The following WWOX variants were observed in gnomAD, a reference collection of about 807,000 sequenced individuals.
WWOX encodes the protein WW domain containing oxidoreductase.
WWOX carries 69 observed loss-of-function variants against 46.2 expected under a neutral mutation model. The ratio of observed to expected loss-of-function variants is 1.49; its 90% CI spans 1.23 to 1.82. The LOEUF (loss-of-function observed/expected upper bound fraction) is 1.82, where lower values mean the gene tolerates loss of function less well. Ranked by LOEUF, WWOX falls within the 40% of genes most tolerant of loss-of-function variation. The pLI, the probability that WWOX is intolerant of heterozygous loss-of-function variation, is 0.00. For synonymous variants in WWOX, 359 were observed against 202.6 expected, an observed-to-expected ratio of 1.77 and a Z score of -6.56; for missense variants, 919 against 542.6, an observed-to-expected ratio of 1.69 and a Z score of -6.89.
At chr16:78,454,458 G>GTT (rs200578242) in intron 8 of WWOX, among the ~76,000 whole-genome samples, 1 of 151,570 alleles carries the variant, frequency 6.6e-6, no homozygotes, top group Admixed American at 6.6e-5. Flanking sequence ...GTGTCCTGCT[G>GTT]TTTTTTTTCC....
intron 6 of WWOX, among the ~76,000 whole-genome samples, chr16:78,397,542 C>A (rs1965921717): frequency 6.6e-6 from 1 of 152,200 alleles, no homozygotes; most frequent in Admixed American, 6.5e-5. Flanking sequence ...ATCTCTTCTT[C>A]TGTTGAGCTC....
rs113661986 is a variant in WWOX, at chr16:78,986,299, C to G, written c.1057-225309C>G. Among the ~76,000 whole-genome samples, 213 of 152,280 alleles carry G rather than the reference C, an allele frequency of 1.4e-3. 2 individuals are homozygous for G. The highest frequency in any genetic ancestry group is 4.6e-3 in the African/African-American group (193 of 41,556). On this transcript the variant is annotated intron_variant, in intron 8 of 8. Transcript: ENST00000566780. Reference sequence around the variant, plus strand: ...TGCCATAGGTAGAGGTGCTTCCAGACCTATAGTTTTGAAAGTCACCTAGAG... The same window carrying G: ...TGCCATAGGTAGAGGTGCTTCCAGAGCTATAGTTTTGAAAGTCACCTAGAG...
At chr16:78,903,789 C>T (rs1301081639) in intron 8 of WWOX, among the ~76,000 whole-genome samples, 1 of 152,192 alleles carries the variant, frequency 6.6e-6, no homozygotes, top group Non-Finnish European at 1.5e-5. Context: ...TCCTTTCTAG[C>T]TCAATCATGC....
At chr16:78,208,460 C>A (rs958134867) in intron 5 of WWOX, among the ~76,000 whole-genome samples, 1 of 152,164 alleles carries the variant, frequency 6.6e-6, no homozygotes, top group Non-Finnish European at 1.5e-5. Flanking sequence ...CTAGACAAAT[C>A]AAATTAAATC....
At chr16:78,277,941 G>T (rs2079609502) in intron 5 of WWOX, among the ~76,000 whole-genome samples, 1 of 152,162 alleles carries the variant, frequency 6.6e-6, no homozygotes, top group African/African-American at 2.4e-5. Context: ...ATGCTGACTT[G>T]GCCCACCATG....
chr16:78,327,869 A>ATTTTTT (rs762650030), intron 5 of WWOX, among the ~76,000 whole-genome samples: 1 of 81,082 alleles, frequency 1.2e-5, no homozygotes. Context: ...ATGAGTCCTG[A>ATTTTTT]TTTTTTTTTT....
intron 8 of WWOX, among the ~76,000 whole-genome samples, chr16:78,957,547 A>G (rs2046192310): frequency 2.6e-5 from 4 of 152,098 alleles, no homozygotes; most frequent in Admixed American, 2.0e-4. Flanking sequence ...GCACACCTTT[A>G]ATCTCGGGTC....
At chr16:78,423,712 G>C (rs1001124367) in intron 6 of WWOX, among the ~76,000 whole-genome samples, 4 of 151,946 alleles carry the variant, frequency 2.6e-5, no homozygotes, top group African/African-American at 9.7e-5. Flanking sequence ...CATGCATGGT[G>C]GTGTGCCCCT....
At chr16:79,030,975 C>A (rs1195133707) in intron 8 of WWOX, among the ~76,000 whole-genome samples, 1 of 151,522 alleles carries the variant, frequency 6.6e-6, no homozygotes, top group African/African-American at 2.4e-5. Context: ...GCCTGTAGTC[C>A]CACCCACTCG....
At chr16:78,966,583 G>C (rs986509725) in intron 8 of WWOX, among the ~76,000 whole-genome samples, 3 of 151,882 alleles carry the variant, frequency 2.0e-5, no homozygotes, top group Non-Finnish European at 4.4e-5. Context: ...TATAAGTAAG[G>C]CTAAAAAGTA....
chr16:78,445,645 G>T (rs1174326156), intron 8 of WWOX, among the ~76,000 whole-genome samples: 1 of 152,214 alleles, frequency 6.6e-6, no homozygotes, highest in Non-Finnish European at 1.5e-5. Context: ...ACAGGCTGAG[G>T]TGGGCTGGAT....
intron 8 of WWOX, among the ~76,000 whole-genome samples, chr16:78,623,597 T>C (rs977557986): frequency 4.6e-5 from 7 of 152,190 alleles, no homozygotes; most frequent in Admixed American, 2.6e-4. Flanking sequence ...TGAGAATCAC[T>C]TGAACCCGAG....
At chr16:78,654,964 C>T (rs527498686) in intron 8 of WWOX, among the ~76,000 whole-genome samples, 99 of 151,996 alleles carry the variant, frequency 6.5e-4, no homozygotes, top group Non-Finnish European at 1.1e-3. Context: ...ATCTATGTGA[C>T]CACATTTAAA....
intron 6 of WWOX, among the ~76,000 whole-genome samples, chr16:78,410,512 C>G (rs928415995): frequency 9.2e-5 from 14 of 151,956 alleles, no homozygotes; most frequent in African/African-American, 3.4e-4. Context: ...GGGCTGCAAT[C>G]AAGATGTCAG....
At chr16:78,702,037 AT>A (rs1455772969) in intron 8 of WWOX, among the ~76,000 whole-genome samples, 17 of 127,380 alleles carry the variant, frequency 1.3e-4, no homozygotes, top group Non-Finnish European at 2.0e-4. Flanking sequence ...ATATATATAT[AT>A]ATATATAAAA....
intron 5 of WWOX, among the ~76,000 whole-genome samples, chr16:78,369,880 C>T (rs1364487607): frequency 6.6e-6 from 1 of 152,058 alleles, no homozygotes; most frequent in Non-Finnish European, 1.5e-5. Flanking sequence ...TGCCTGTAAT[C>T]CCAGCACTTT....
chr16:78,187,834 A>G (rs1386448855), intron 5 of WWOX, among the ~76,000 whole-genome samples: 1 of 152,222 alleles, frequency 6.6e-6, no homozygotes, highest in Non-Finnish European at 1.5e-5. Flanking sequence ...CACATTAGAA[A>G]GCAGTTACTT....
intron 8 of WWOX, among the ~76,000 whole-genome samples, chr16:78,648,024 C>A (rs2046883422): frequency 6.6e-6 from 1 of 152,136 alleles, no homozygotes; most frequent in African/African-American, 2.4e-5. Flanking sequence ...CTTCTTGAAC[C>A]CTCCCTATCT....
intron 8 of WWOX, among the ~76,000 whole-genome samples, chr16:78,966,595 CAT>C (rs776277001): frequency 2.0e-5 from 3 of 151,936 alleles, no homozygotes; most frequent in South Asian, 2.1e-4. Flanking sequence ...TAAAAAGTAA[CAT>C]GTGAATGTTT....
Sources: gnomAD v4.1 joint callset for allele counts (sites outside exome capture counted in the v4.1 genomes callset) on GRCh38, gnomAD v4.1.1 for gene constraint, MANE v1.5 for transcripts, NCBI Gene and HGNC (gene_info 2026-07-23, HGNC 2026-07-21) for gene names.